FMNL2: variants seen among roughly 807,000 people sequenced by gnomAD.
FMNL2 encodes formin like 2.
In FMNL2, 51 loss-of-function variants were observed where a neutral mutation model predicts 130.2. The ratio of observed to expected loss-of-function variants is 0.39; its 90% CI spans 0.31 to 0.49. FMNL2 has a LOEUF of 0.49. Ranked by LOEUF, FMNL2 falls within the 20% of genes least tolerant of loss-of-function variation. The probability of loss-of-function intolerance (pLI) is 0.85; values close to 1 mark genes in which losing one functional copy is unlikely to be tolerated. For synonymous variants in FMNL2, 465 were observed against 467.1 expected, an observed-to-expected ratio of 1.00 and a Z score of 0.06; for missense variants, 977 against 1,316.2, an observed-to-expected ratio of 0.74 and a Z score of 3.99.
intron 1 of FMNL2, among the ~76,000 whole-genome samples, chr2:152,400,591 T>A (rs569316556): frequency 6.6e-6 from 1 of 152,344 alleles, no homozygotes; most frequent in Non-Finnish European, 1.5e-5. Context: ...ATAACTTGTA[T>A]ATTTCTACCT....
chr2:152,336,088 TAAAA>T (rs1553861612), intron 1 of FMNL2, among the ~76,000 whole-genome samples: 2 of 67,328 alleles, frequency 3.0e-5, no homozygotes, highest in African/African-American at 1.2e-4. Flanking sequence ...GCTTTTTTTT[TAAAA>T]AAAACAAAAC....
At chr2:152,378,800 G>A (rs953294997) in intron 1 of FMNL2, among the ~76,000 whole-genome samples, 5 of 151,966 alleles carry the variant, frequency 3.3e-5, no homozygotes, top group African/African-American at 7.3e-5. Context: ...CACAACATCT[G>A]TATTATTAGC....
chr2:152,391,499 T>G (rs1016722287), intron 1 of FMNL2, among the ~76,000 whole-genome samples: 1 of 151,934 alleles, frequency 6.6e-6, no homozygotes, highest in African/African-American at 2.4e-5. Context: ...GAGGTGTAAT[T>G]GGGATGGAGA....
At chr2:152,401,498 C>T (rs1685690300) in intron 1 of FMNL2, among the ~76,000 whole-genome samples, 1 of 152,120 alleles carries the variant, frequency 6.6e-6, no homozygotes, top group African/African-American at 2.4e-5. Flanking sequence ...AAGAATTCTT[C>T]CTTTTTGATC....
intron 9 of FMNL2, among the ~76,000 whole-genome samples, chr2:152,587,694 A>G (rs1697162226): frequency 1.3e-5 from 2 of 152,280 alleles, no homozygotes; most frequent in East Asian, 3.9e-4. Context: ...TGTCTTTAAC[A>G]TCTGGTTAAG....
chr2:152,407,315 A>G (rs938962510), intron 1 of FMNL2, among the ~76,000 whole-genome samples: 7 of 152,068 alleles, frequency 4.6e-5, no homozygotes, highest in African/African-American at 1.7e-4. Context: ...AGGAGTTACT[A>G]TTAGCAGATG....
intron 9 of FMNL2, among the ~76,000 whole-genome samples, chr2:152,596,268 T>C (rs1410205033): frequency 1.3e-5 from 2 of 152,098 alleles, no homozygotes; most frequent in African/African-American, 4.8e-5. Flanking sequence ...CGGCTGTCTT[T>C]TTTTTCTACC....
chr2:152,465,711 T>C (rs1689494950), intron 1 of FMNL2, among the ~76,000 whole-genome samples: 1 of 152,220 alleles, frequency 6.6e-6, no homozygotes, highest in African/African-American at 2.4e-5. Context: ...CTGGAAGTAC[T>C]CGGCTTTTCT....
intron 1 of FMNL2, among the ~76,000 whole-genome samples, chr2:152,372,565 G>C (rs148921953): frequency 6.6e-6 from 1 of 152,194 alleles, no homozygotes; most frequent in African/African-American, 2.4e-5. Context: ...GATGCTTTCT[G>C]TGTGTTAATG....
chr2:152,400,356 C>T (rs575271994), intron 1 of FMNL2, among the ~76,000 whole-genome samples: 1 of 152,212 alleles, frequency 6.6e-6, no homozygotes, highest in East Asian at 1.9e-4. Flanking sequence ...TCGCTTGAAT[C>T]CAGGAGGTGG....
At chr2:152,484,871 G>A (rs1690731260) in intron 1 of FMNL2, among the ~76,000 whole-genome samples, 2 of 152,334 alleles carry the variant, frequency 1.3e-5, no homozygotes, top group South Asian at 2.1e-4. Flanking sequence ...CTTAGGGATT[G>A]GGGAGTGTCT....
rs1160031712 is a variant in FMNL2 at position 152,649,539 on chromosome 2, G to GTCTT, written c.*1638_*1641dup. On this transcript the variant is annotated 3_prime_UTR_variant, in exon 26 of 26. Transcript: ENST00000288670. ...TTTAAAAAGAACATGCCACGATTTT[G>GTCTT]TCTTTCTGTGGACTCAACATTCACT... The GTCTT allele has an allele frequency of 6.6e-6, 1 of 152,554 alleles. No homozygotes were observed. Among genetic ancestry groups the GTCTT allele is most frequent in the Non-Finnish European group, 1.5e-5 (1 of 68,016 alleles). The allele number at this position is 152,554 out of a possible 1,614,324, so 9.5% of individuals were successfully genotyped here. A position where few individuals can be genotyped will look rare whatever the true frequency, so the allele number is the denominator to read the frequency against.
chr2:152,394,780 T>G (rs1371904727), intron 1 of FMNL2, among the ~76,000 whole-genome samples: 2 of 152,068 alleles, frequency 1.3e-5, no homozygotes, highest in Non-Finnish European at 2.9e-5. Context: ...TAAAATGACT[T>G]ATTTATCACA....
At chr2:152,464,725 T>G (rs959008776) in intron 1 of FMNL2, among the ~76,000 whole-genome samples, 2 of 152,156 alleles carry the variant, frequency 1.3e-5, no homozygotes, top group Admixed American at 6.5e-5. Context: ...ATCCTCTAGT[T>G]GGGTAAAGTT....
chr2:152,416,936 A>G lies in FMNL2; in HGVS notation c.117+81216A>G, dbSNP rs1686651242. On this transcript the variant is annotated intron_variant, in intron 1 of 25. Transcript: ENST00000288670. ...GTGGATGTTTCACTGCTCGGGAAGA[A>G]TAGTCCCAGTGTTTTCTAGATTAGT... Among the ~76,000 whole-genome samples the G allele has an allele frequency of 2.6e-5, 4 of 152,352 alleles. 1 individual carries two copies. In the South Asian group the frequency reaches 8.3e-4, roughly 32 times the overall value.
At chr2:152,406,471 C>G (rs1331898885) in intron 1 of FMNL2, among the ~76,000 whole-genome samples, 1 of 152,106 alleles carries the variant, frequency 6.6e-6, no homozygotes, top group African/African-American at 2.4e-5. Flanking sequence ...GGGCTTCTTC[C>G]CCTTTTGAGT....
At chr2:152,409,554 G>A (rs750983374) in intron 1 of FMNL2, among the ~76,000 whole-genome samples, 4 of 152,206 alleles carry the variant, frequency 2.6e-5, no homozygotes, top group Non-Finnish European at 5.9e-5. Flanking sequence ...TCACAGTCTT[G>A]TGGATAAGTT....
chr2:152,474,128 C>T (rs1690013922), intron 1 of FMNL2, among the ~76,000 whole-genome samples: 1 of 152,144 alleles, frequency 6.6e-6, no homozygotes. Flanking sequence ...CTGCCCGCCT[C>T]AGCCTCCCAA....
intron 18 of FMNL2, 137 bp downstream of exon 18, chr2:152,628,670 AT>A: frequency 9.9e-6 from 7 of 705,070 alleles, no homozygotes; most frequent in African/African-American, 1.8e-5. Flanking sequence ...TTGCATTTTT[AT>A]TTCAACCATC....
Sources: allele counts gnomAD v4.1 joint callset (sites outside exome capture counted in the v4.1 genomes callset), GRCh38; gene constraint gnomAD v4.1.1; transcripts MANE v1.5; gene names NCBI Gene and HGNC (gene_info 2026-07-23, HGNC 2026-07-21).